SUCLG2: variants seen among roughly 807,000 people sequenced by gnomAD.
The protein encoded by SUCLG2 is succinate-CoA ligase GDP-forming subunit beta.
Under a neutral mutation model 47.9 loss-of-function variants are expected in SUCLG2, and 42 were observed. The observed-to-expected ratio is 0.88, with a 90% confidence interval of 0.69 to 1.14. The LOEUF is 1.14. Among genes scored for constraint, SUCLG2 ranks in the 50% most tolerant of loss-of-function variants. The pLI, the probability that SUCLG2 is intolerant of heterozygous loss-of-function variation, is 0.00. For synonymous variants in SUCLG2, 195 were observed against 197.3 expected (o/e 0.99, Z 0.10); for missense variants, 571 against 525.9 (o/e 1.09, Z -0.84).
intron 1 of SUCLG2, among the ~76,000 whole-genome samples, chr3:67,613,633 T>C (rs999198830): frequency 2.0e-5 from 3 of 152,174 alleles, no homozygotes; most frequent in Non-Finnish European, 4.4e-5. Context: ...TAGTAAAAAA[T>C]ACACCTTTGT....
chr3:67,434,713 G>C (rs1368225546), intron 9 of SUCLG2, among the ~76,000 whole-genome samples: 1 of 152,128 alleles, frequency 6.6e-6, no homozygotes, highest in Non-Finnish European at 1.5e-5. Context: ...ACAAAGCAAA[G>C]GCTTTATTTT....
At chr3:67,547,417 C>T (rs758108842) in intron 2 of SUCLG2, among the ~76,000 whole-genome samples, 228 of 152,302 alleles carry the variant, frequency 1.5e-3, no homozygotes, top group Admixed American at 2.7e-3. Context: ...TAGTTTTCAG[C>T]AACATGGACA....
At chr3:67,569,371 T>C (rs1361492378) in intron 2 of SUCLG2, among the ~76,000 whole-genome samples, 1 of 152,196 alleles carries the variant, frequency 6.6e-6, no homozygotes, top group African/African-American at 2.4e-5. Flanking sequence ...GATTCAATAT[T>C]TCTTTTTCTT....
intron 7 of SUCLG2, among the ~76,000 whole-genome samples, chr3:67,504,964 A>G (rs191441781): frequency 1.3e-5 from 2 of 152,354 alleles, no homozygotes; most frequent in Admixed American, 1.3e-4. Flanking sequence ...ATTAATTTCT[A>G]TTGACTAAGT....
intron 2 of SUCLG2, among the ~76,000 whole-genome samples, chr3:67,590,711 C>T (rs1313926673): frequency 1.3e-5 from 2 of 152,208 alleles, no homozygotes; most frequent in African/African-American, 2.4e-5. Flanking sequence ...CCAATTAAAC[C>T]TCTTTTCTGT....
intron 1 of SUCLG2, among the ~76,000 whole-genome samples, chr3:67,653,313 G>A (rs564962264): frequency 6.6e-6 from 1 of 152,082 alleles, no homozygotes; most frequent in Non-Finnish European, 1.5e-5. Context: ...GTTTTAATTA[G>A]ACAAAACTGC....
At chr3:67,545,303 T>C (rs1706835244) in intron 2 of SUCLG2, among the ~76,000 whole-genome samples, 1 of 152,180 alleles carries the variant, frequency 6.6e-6, no homozygotes, top group Non-Finnish European at 1.5e-5. Context: ...AATTTTAAAG[T>C]TTGTAAAGTG....
chr3:67,571,118 T>C (rs1707595425), intron 2 of SUCLG2, among the ~76,000 whole-genome samples: 1 of 152,184 alleles, frequency 6.6e-6, no homozygotes, highest in African/African-American at 2.4e-5. Context: ...CCACAGGATG[T>C]AATCCTAATT....
chr3:67,559,250 G>A (rs911268052), intron 2 of SUCLG2, among the ~76,000 whole-genome samples: 2 of 152,164 alleles, frequency 1.3e-5, no homozygotes, highest in African/African-American at 2.4e-5. Flanking sequence ...GTATGAACGA[G>A]TAAGAAAACT....
chr3:67,374,686 A>G, downstream of SUCLG2: 1 of 824,786 alleles, frequency 1.2e-6, no homozygotes, highest in Middle Eastern at 6.2e-4. Flanking sequence ...TTTGAGGAAT[A>G]AAATTGAGTA....
At chr3:67,556,656 G>C (rs2107206517) in intron 2 of SUCLG2, among the ~76,000 whole-genome samples, 1 of 152,242 alleles carries the variant, frequency 6.6e-6, no homozygotes, top group East Asian at 1.9e-4. Flanking sequence ...TAAAGTCACA[G>C]ACCTTCTTCC....
chr3:67,392,467 T>C (rs182947808), intron 10 of SUCLG2, among the ~76,000 whole-genome samples: 3 of 152,342 alleles, frequency 2.0e-5, no homozygotes, highest in Non-Finnish European at 4.4e-5. Flanking sequence ...AAGTATTAGT[T>C]AGGCTAGCTT....
intron 4 of SUCLG2, among the ~76,000 whole-genome samples, chr3:67,524,042 T>A (rs1363006539): frequency 6.6e-6 from 1 of 152,194 alleles, no homozygotes; most frequent in African/African-American, 2.4e-5. Context: ...AGGAAAATGA[T>A]AATTATCAAG....
intron 2 of SUCLG2, among the ~76,000 whole-genome samples, chr3:67,541,731 G>A (rs898234052): frequency 9.2e-5 from 14 of 152,190 alleles, no homozygotes; most frequent in African/African-American, 3.4e-4. Flanking sequence ...CACCAAGGTT[G>A]AAATGAAGGA....
intron 10 of SUCLG2, among the ~76,000 whole-genome samples, chr3:67,363,763 A>C (rs1422744714): frequency 6.6e-6 from 1 of 152,190 alleles, no homozygotes; most frequent in African/African-American, 2.4e-5. Flanking sequence ...CAGATCAAAG[A>C]GAGAACAATA....
At chr3:67,582,649 G>C (rs1376099257) in intron 2 of SUCLG2, among the ~76,000 whole-genome samples, 2 of 152,126 alleles carry the variant, frequency 1.3e-5, no homozygotes, top group Non-Finnish European at 2.9e-5. Context: ...GGGATTGCTG[G>C]TTGAAAGGTA....
At chr3:67,532,814 G>C (rs17046546) in intron 2 of SUCLG2, among the ~76,000 whole-genome samples, 11,944 of 152,026 alleles carry the variant, frequency 0.079, 554 homozygotes, top group East Asian at 0.17. Context: ...TCTTTTTTTA[G>C]TCTATCAGCT....
chr3:67,654,308 G>A (rs1701343654), intron 1 of SUCLG2, among the ~76,000 whole-genome samples, 195 bp downstream of exon 1: 1 of 152,206 alleles, frequency 6.6e-6, no homozygotes, highest in Non-Finnish European at 1.5e-5. Flanking sequence ...CGGGGCTGCC[G>A]CCGCGCCGCC....
chr3:67,514,222 C>T (rs904966275), intron 6 of SUCLG2: 2 of 379,268 alleles, frequency 5.3e-6, no homozygotes, highest in Admixed American at 3.0e-5. Context: ...TGGAATTAGG[C>T]ACCTGTTCTT....
Sources: gnomAD v4.1 joint callset for allele counts (sites outside exome capture counted in the v4.1 genomes callset) on GRCh38, gnomAD v4.1.1 for gene constraint, MANE v1.5 for transcripts, NCBI Gene and HGNC (gene_info 2026-07-23, HGNC 2026-07-21) for gene names.